NRG1: variants seen among roughly 807,000 people sequenced by gnomAD.
NRG1 encodes neuregulin 1.
NRG1 carries 18 observed loss-of-function variants against 63.8 expected under a neutral mutation model. That is an observed-to-expected ratio of 0.28 (90% CI 0.19 to 0.42). The LOEUF (loss-of-function observed/expected upper bound fraction) is 0.42, where lower values mean the gene tolerates loss of function less well. Among genes scored for constraint, NRG1 ranks in the 10% least tolerant of loss-of-function variants. The probability of loss-of-function intolerance (pLI) is 1.00; values close to 1 mark genes in which losing one functional copy is unlikely to be tolerated. For synonymous variants in NRG1, 302 were observed against 301.3 expected, an observed-to-expected ratio of 1.00 and a Z score of -0.02; for missense variants, 762 against 814.7, an observed-to-expected ratio of 0.94 and a Z score of 0.79.
intron 1 of NRG1, among the ~76,000 whole-genome samples, chr8:31,980,319 G>A (rs1347717952): frequency 2.6e-5 from 4 of 151,938 alleles, no homozygotes; most frequent in South Asian, 2.1e-4. Flanking sequence ...GCAACTAACC[G>A]TCCTTTGAAT....
In NRG1 at chr8:31,828,266, T is replaced by G. The variant is rs557660837; in HGVS notation, c.37+188835T>G. ...TACAAAACCTTCTCTGATCAATAAT[T>G]GACGATGAGTGACTGTAGTAGTTTG... On this transcript the variant is annotated intron_variant, in intron 1 of 10. Coordinates refer to the NRG1 transcript ENST00000519301. Among the ~76,000 whole-genome samples the G allele has an allele frequency of 3.3e-4, 51 of 152,336 alleles. No individual in the cohort carries two copies. The Middle Eastern group carries it at 0.01, about 30-fold the overall frequency.
chr8:32,000,298 G>A (rs1309292764), intron 1 of NRG1, among the ~76,000 whole-genome samples: 1 of 151,906 alleles, frequency 6.6e-6, no homozygotes, highest in Non-Finnish European at 1.5e-5. Context: ...CCCTACCTTT[G>A]CAAGGTCAGT....
chr8:32,609,706 G>A (rs1302766332), intron 3 of NRG1, among the ~76,000 whole-genome samples: 1 of 142,492 alleles, frequency 7.0e-6, no homozygotes, highest in Admixed American at 7.2e-5. Context: ...GTGTCACCTA[G>A]GCTGGAGTGC....
chr8:32,682,399 T>C (rs151019063), intron 5 of NRG1, among the ~76,000 whole-genome samples: 81 of 152,316 alleles, frequency 5.3e-4, no homozygotes, highest in African/African-American at 1.9e-3. Flanking sequence ...GTTTTCAATA[T>C]GTCATGACTA....
chr8:32,357,485 G>A lies in NRG1; in HGVS notation c.38-238343G>A, dbSNP rs114557901. Reference sequence around the variant, plus strand: ...TCACCATAAATAGACATGAGTTAACGTATGTTTAAAGATTTATTTCCCTTT... The same window carrying A: ...TCACCATAAATAGACATGAGTTAACATATGTTTAAAGATTTATTTCCCTTT... On this transcript the variant is annotated intron_variant, in intron 1 of 10. Transcript: ENST00000519301. Among the ~76,000 whole-genome samples, 333 of 152,176 alleles carry A rather than the reference G, an allele frequency of 2.2e-3. 2 individuals are homozygous for A. Among genetic ancestry groups the A allele is most frequent in the African/African-American group, 7.8e-3 (324 of 41,526 alleles).
chr8:31,663,918 G>C (rs1806263504), intron 1 of NRG1, among the ~76,000 whole-genome samples: 2 of 152,098 alleles, frequency 1.3e-5, no homozygotes, highest in Non-Finnish European at 2.9e-5. Flanking sequence ...ACTGTACTCA[G>C]CTTTATTTAT....
upstream of NRG1, among the ~76,000 whole-genome samples, chr8:32,548,027 G>A (rs976630610): frequency 1.3e-5 from 2 of 152,110 alleles, no homozygotes; most frequent in African/African-American, 4.8e-5. Flanking sequence ...CCGGGGCGCT[G>A]GCCTCGGTCT....
intron 1 of NRG1, among the ~76,000 whole-genome samples, chr8:32,166,844 A>C (rs955924882): frequency 6.6e-6 from 1 of 152,182 alleles, no homozygotes; most frequent in Non-Finnish European, 1.5e-5. Context: ...ATTAAGTTTA[A>C]TGGTTTTTGT....
chr8:32,458,138 G>A (rs1428702375), intron 1 of NRG1, among the ~76,000 whole-genome samples: 9 of 151,996 alleles, frequency 5.9e-5, no homozygotes, highest in African/African-American at 1.7e-4. Flanking sequence ...GGATGGTCTC[G>A]ATCTCTTGAC....
chr8:32,548,394 G>A lies in NRG1; in HGVS notation c.-333G>A. ...GGACGATGGGAGCGTGAGCAGGACGGTGATAACCTCTCCCCGATCGGGTTG... is the reference window on the plus strand; with the variant it reads ...GGACGATGGGAGCGTGAGCAGGACGATGATAACCTCTCCCCGATCGGGTTG... On this transcript the variant is annotated 5_prime_UTR_variant, in exon 1 of 12. The change creates a new upstream start codon in the 5' untranslated region. Transcript: ENST00000356819. 9.4e-7 allele frequency: 1 copy of A among 1,069,144 alleles called. No individual in the cohort carries two copies. The allele number at this position is 1,069,144 out of a possible 1,614,324, so 66.2% of individuals were successfully genotyped here.
At chr8:32,516,761 C>T (rs1489094964) in intron 1 of NRG1, among the ~76,000 whole-genome samples, 4 of 152,030 alleles carry the variant, frequency 2.6e-5, no homozygotes, top group Non-Finnish European at 5.9e-5. Flanking sequence ...TTTATAAAAG[C>T]CACAAAAATG....
intron 1 of NRG1, chr8:31,639,493 C>G (rs1165219287): frequency 1.3e-6 from 2 of 1,527,950 alleles, no homozygotes; most frequent in Admixed American, 3.9e-5. Flanking sequence ...GATTTCCAGG[C>G]ACGCAACTCC....
intron 5 of NRG1, among the ~76,000 whole-genome samples, chr8:32,697,837 T>C (rs1017791251): frequency 6.6e-6 from 1 of 152,210 alleles, no homozygotes; most frequent in African/African-American, 2.4e-5. Context: ...CTTAGACTTA[T>C]TAAGAATTAG....
intron 5 of NRG1, among the ~76,000 whole-genome samples, chr8:32,677,081 G>A (rs1010415939): frequency 1.3e-5 from 2 of 151,420 alleles, no homozygotes; most frequent in Non-Finnish European, 3.0e-5. Context: ...TGGCTTTTGT[G>A]TTTACCTCAA....
At chr8:31,989,279 A>AG (rs1810651897) in intron 1 of NRG1, among the ~76,000 whole-genome samples, 1 of 145,880 alleles carries the variant, frequency 6.9e-6, no homozygotes, top group Non-Finnish European at 1.5e-5. Context: ...AAAAAGAACA[A>AG]AACAAAAAAA....
chr8:31,800,998 G>A (rs973019433), intron 1 of NRG1, among the ~76,000 whole-genome samples: 9 of 122,862 alleles, frequency 7.3e-5, no homozygotes, highest in African/African-American at 2.4e-4. Context: ...CTGACACCAC[G>A]CCCGCCAATT....
At chr8:32,511,398 TAA>T (rs562640568) in intron 1 of NRG1, among the ~76,000 whole-genome samples, 11 of 140,396 alleles carry the variant, frequency 7.8e-5, no homozygotes, top group East Asian at 2.2e-4. Context: ...TATATATATA[TAA>T]ATAAAATAAA....
At chr8:31,845,587 A>G (rs925762121) in intron 1 of NRG1, among the ~76,000 whole-genome samples, 1 of 152,184 alleles carries the variant, frequency 6.6e-6, no homozygotes, top group Non-Finnish European at 1.5e-5. Context: ...AATAAGCATC[A>G]TGAATTTAGG....
chr8:32,090,447 AGAAGCTGGGATTATAGG>A (rs1828953285), intron 1 of NRG1, among the ~76,000 whole-genome samples: 1 of 152,066 alleles, frequency 6.6e-6, no homozygotes, highest in African/African-American at 2.4e-5. Flanking sequence ...CAGCCTCCCG[AGAAGCTGGGATTATAGG>A]TGCATGCCAT....
Sources: gnomAD v4.1 joint callset for allele counts (sites outside exome capture counted in the v4.1 genomes callset) on GRCh38, gnomAD v4.1.1 for gene constraint, MANE v1.5 for transcripts, NCBI Gene and HGNC (gene_info 2026-07-23, HGNC 2026-07-21) for gene names.